The following LSG1 variants were observed in gnomAD, a reference collection of about 807,000 sequenced individuals.
LSG1 encodes the protein large subunit GTPase 1 homolog.
In LSG1, 55 loss-of-function variants were observed where a neutral mutation model predicts 82.6. The observed-to-expected ratio is 0.67, with a 90% confidence interval of 0.54 to 0.83. The LOEUF is 0.83. Among genes scored for constraint, LSG1 ranks in the 40% least tolerant of loss-of-function variants. The probability of loss-of-function intolerance (pLI) is 0.00; values close to 1 mark genes in which losing one functional copy is unlikely to be tolerated. For missense variants in LSG1, 809 were observed against 807.9 expected (o/e 1.00, Z -0.02); for synonymous variants, 272 against 282.5 (o/e 0.96, Z 0.37).
At chr3:194,655,682 G>A (rs775347503) in intron 7 of LSG1, among the ~76,000 whole-genome samples, 2 of 151,832 alleles carry the variant, frequency 1.3e-5, no homozygotes, top group Non-Finnish European at 2.9e-5. Flanking sequence ...ACATAAAAAC[G>A]CTTGGCATAA....
chr3:194,672,154 C>T lies in LSG1; in HGVS notation c.9G>A (p.Arg3=). The change falls in exon 1 of 14, where the codon CGG becomes CGA. Residue 3 remains arginine, a synonymous_variant. Transcript: ENST00000265245. MG[R]RRAPAGGSLG... is the part of the protein sequence containing the mutation. ...GCGACCCACCGGCCGGGGCTCTCCT[C>T]CGGCCCATGGCAACACGACCGCTGG... 1 of 1,602,668 alleles carries T rather than the reference C, an allele frequency of 6.2e-7. No individual in the cohort carries two copies. Among genetic ancestry groups the T allele is most frequent in the Non-Finnish European group, 8.5e-7 (1 of 1,179,460 alleles).
At chr3:194,671,914 C>G (rs1042929003) in intron 1 of LSG1, 150 bp downstream of exon 1, 1 of 709,296 alleles carries the variant, frequency 1.4e-6, no homozygotes, top group Non-Finnish European at 2.5e-6. Flanking sequence ...AGGAGGAGGG[C>G]CTGCTACTCA....
intron 7 of LSG1, among the ~76,000 whole-genome samples, chr3:194,656,329 C>T (rs9816958): frequency 0.83 from 119,404 of 143,774 alleles, 50,071 homozygotes; most frequent in East Asian, 0.94. Context: ...CATCAAAAAG[C>T]GGGTGAAGGA....
At chr3:194,653,177 A>C in intron 7 of LSG1, 35 bp from the exon 8 acceptor site, 1 of 1,579,184 alleles carries the variant, frequency 6.3e-7, no homozygotes, top group Non-Finnish European at 8.6e-7. Flanking sequence ...GAAGTATATA[A>C]CTGCAGTTTC....
intron 11 of LSG1, chr3:194,646,509 CTTTA>C (rs1471023106): frequency 1.4e-4 from 41 of 291,902 alleles, no homozygotes; most frequent in Non-Finnish European, 1.1e-4. Flanking sequence ...TATTTCTTCT[CTTTA>C]TTTTATTTTT....
chr3:194,665,244 T>A (rs1360363931), intron 5 of LSG1, among the ~76,000 whole-genome samples: 1 of 152,214 alleles, frequency 6.6e-6, no homozygotes, highest in East Asian at 1.9e-4. Flanking sequence ...GGAACTTAAC[T>A]CTTTTTCGTA....
chr3:194,655,916 A>G lies in LSG1; in HGVS notation c.760-2774T>C, dbSNP rs541149601. On this transcript the variant is annotated intron_variant, in intron 7 of 13. Coordinates refer to ENST00000265245, the MANE Select transcript of LSG1 (RefSeq NM_018385.3). ...GCAATGGGGAAAGGATTCCCTATTT[A>G]ATATATGGTGCTGGGAAAACTGGCT... Among the ~76,000 whole-genome samples the G allele has an allele frequency of 2.6e-5, 4 of 152,350 alleles. No homozygotes were observed. The South Asian group carries it at 8.3e-4, about 32-fold the overall frequency.
intron 5 of LSG1, among the ~76,000 whole-genome samples, chr3:194,662,279 T>C (rs1444214332): frequency 1.3e-5 from 2 of 152,160 alleles, no homozygotes; most frequent in Non-Finnish European, 2.9e-5. Flanking sequence ...GGGTTTATTA[T>C]GGAGAAAATG....
intron 1 of LSG1, among the ~76,000 whole-genome samples, chr3:194,671,006 G>T (rs998148241): frequency 2.0e-5 from 3 of 152,188 alleles, no homozygotes; most frequent in African/African-American, 7.2e-5. Flanking sequence ...GGGATTATTT[G>T]TGCCCAGAAG....
At chr3:194,661,908 T>C (rs1253168538) in intron 5 of LSG1, among the ~76,000 whole-genome samples, 1 of 152,190 alleles carries the variant, frequency 6.6e-6, no homozygotes, top group Non-Finnish European at 1.5e-5. Flanking sequence ...ACAGGCTCAC[T>C]TGGGAAATTA....
At chr3:194,666,922 C>T (rs568354123) in intron 2 of LSG1, among the ~76,000 whole-genome samples, 1 of 152,296 alleles carries the variant, frequency 6.6e-6, no homozygotes, top group East Asian at 1.9e-4. Context: ...CCCCCACTCA[C>T]TGAATAGATG....
intron 12 of LSG1, among the ~76,000 whole-genome samples, chr3:194,645,579 C>CACACACACACACAGACAG (rs1560219860): frequency 2.5e-4 from 17 of 67,790 alleles, no homozygotes; most frequent in East Asian, 2.4e-3. Context: ...CAGACAGACA[C>CACACACACACACAGACAG]ACACACACAC....
chr3:194,669,686 C>T (rs960085730), intron 2 of LSG1, among the ~76,000 whole-genome samples: 1 of 152,188 alleles, frequency 6.6e-6, no homozygotes, highest in Non-Finnish European at 1.5e-5. Context: ...GTAATCCCAG[C>T]ACTTTGGGAG....
At chr3:194,654,694 G>T (rs1044890592) in intron 7 of LSG1, among the ~76,000 whole-genome samples, 4 of 152,148 alleles carry the variant, frequency 2.6e-5, no homozygotes, top group African/African-American at 9.7e-5. Flanking sequence ...ACATGAATGT[G>T]TAGTAGAAAA....
chr3:194,671,080 A>G (rs550233769), intron 1 of LSG1, among the ~76,000 whole-genome samples: 28 of 152,320 alleles, frequency 1.8e-4, no homozygotes, highest in Admixed American at 1.1e-3. Context: ...TGGGTGACAG[A>G]GTGTGACCCT....
At chr3:194,644,089 G>A (rs911387992) in intron 13 of LSG1, among the ~76,000 whole-genome samples, 3 of 152,158 alleles carry the variant, frequency 2.0e-5, no homozygotes, top group Admixed American at 6.5e-5. Flanking sequence ...TCGGCCGGGC[G>A]CGGTGGCTCA....
intron 10 of LSG1, 86 bp downstream of exon 10, chr3:194,650,795 A>T: frequency 7.2e-7 from 1 of 1,382,756 alleles, no homozygotes; most frequent in Non-Finnish European, 9.9e-7. Flanking sequence ...TTCTTCATCA[A>T]ATCTGAATCC....
chr3:194,645,246 T>C (rs112291634), intron 12 of LSG1: 7 of 152,420 alleles, frequency 4.6e-5, no homozygotes, highest in African/African-American at 1.7e-4. Context: ...CCACAGTAAG[T>C]GGTAAACGAA....
intron 2 of LSG1, among the ~76,000 whole-genome samples, chr3:194,669,487 T>C (rs938687698): frequency 9.2e-5 from 14 of 152,180 alleles, no homozygotes; most frequent in African/African-American, 3.1e-4. Context: ...CCTCAGCACC[T>C]GTGCTCATCA....
Sources: allele counts gnomAD v4.1 joint callset (sites outside exome capture counted in the v4.1 genomes callset), GRCh38; gene constraint gnomAD v4.1.1; transcripts MANE v1.5; gene names NCBI Gene and HGNC (gene_info 2026-07-23, HGNC 2026-07-21).